HYAL4: variants seen among roughly 807,000 people sequenced by gnomAD.
HYAL4 encodes hyaluronidase 4.
HYAL4 carries 37 observed loss-of-function variants against 35.2 expected under a neutral mutation model. The ratio of observed to expected loss-of-function variants is 1.05; its 90% CI spans 0.81 to 1.38. The LOEUF is 1.38. Among genes scored for constraint, HYAL4 ranks in the 40% most tolerant of loss-of-function variants. The pLI is 0.00. For synonymous variants in HYAL4, 198 were observed against 203.2 expected, an observed-to-expected ratio of 0.97 and a Z score of 0.22; for missense variants, 572 against 572.4, an observed-to-expected ratio of 1.00 and a Z score of 0.01.
At chr7:123,775,756 G>T in the HYAL4 span, among the ~76,000 whole-genome samples, 1 of 152,114 alleles carries the variant, frequency 6.6e-6, no homozygotes, top group African/African-American at 2.4e-5. Flanking sequence ...GTCATCTTTA[G>T]ATGACAGACC....
At chr7:123,830,809 AT>A (rs1403672665) in intron 1 of HYAL4, among the ~76,000 whole-genome samples, 4 of 150,776 alleles carry the variant, frequency 2.7e-5, no homozygotes, top group East Asian at 2.0e-4. Flanking sequence ...TTTGCTTTCA[AT>A]TTTTTTTTCA....
intron 3 of HYAL4, among the ~76,000 whole-genome samples, chr7:123,874,050 A>G (rs1806947802): frequency 6.6e-6 from 1 of 152,172 alleles, no homozygotes; most frequent in Admixed American, 6.5e-5. Context: ...TGGAAAAGGA[A>G]CCTGGTTAAC....
the HYAL4 span, among the ~76,000 whole-genome samples, chr7:123,797,383 G>A: frequency 6.6e-6 from 1 of 152,172 alleles, no homozygotes; most frequent in Non-Finnish European, 1.5e-5. Context: ...GTTGAACTAA[G>A]TAACCTTTTA....
intron 1 of HYAL4, among the ~76,000 whole-genome samples, chr7:123,832,666 A>AT (rs1395755380): frequency 1.3e-5 from 2 of 150,282 alleles, no homozygotes; most frequent in Non-Finnish European, 3.0e-5. Flanking sequence ...TGCCTGGCTA[A>AT]TTTTTTTTGT....
At chr7:123,797,444 T>C in the HYAL4 span, among the ~76,000 whole-genome samples, 1 of 152,254 alleles carries the variant, frequency 6.6e-6, no homozygotes, top group Admixed American at 6.5e-5. Context: ...GTTAAAATTC[T>C]GAGAAAAATG....
At chr7:123,825,297 T>C (rs1463815293), upstream of HYAL4, among the ~76,000 whole-genome samples, 1 of 152,120 alleles carries the variant, frequency 6.6e-6, no homozygotes, top group Admixed American at 6.6e-5. Context: ...AACTGTCACA[T>C]AGACAAAATT....
intron 1 of HYAL4, among the ~76,000 whole-genome samples, chr7:123,837,787 C>A (rs150759272): frequency 6.7e-6 from 1 of 149,096 alleles, no homozygotes. Context: ...TTTGTCCTTG[C>A]GATAGTTTGC....
At chr7:123,800,757 A>G in the HYAL4 span, among the ~76,000 whole-genome samples, 1 of 151,498 alleles carries the variant, frequency 6.6e-6, no homozygotes, top group Non-Finnish European at 1.5e-5. Context: ...CTCGGGTTCA[A>G]ACGATTCTCG....
chr7:123,846,608 C>T (rs1198470705), intron 1 of HYAL4, among the ~76,000 whole-genome samples: 1 of 152,084 alleles, frequency 6.6e-6, no homozygotes, highest in African/African-American at 2.4e-5. Context: ...TCCTGCCTCC[C>T]TGCCTGTGGA....
At chr7:123,770,927 G>A in the HYAL4 span, among the ~76,000 whole-genome samples, 5 of 152,212 alleles carry the variant, frequency 3.3e-5, no homozygotes, top group Admixed American at 2.0e-4. Flanking sequence ...TAAGAAGGAG[G>A]AAATGAATGT....
intron 1 of HYAL4, among the ~76,000 whole-genome samples, chr7:123,837,212 A>G (rs2116911718): frequency 6.6e-6 from 1 of 152,298 alleles, no homozygotes; most frequent in South Asian, 2.1e-4. Flanking sequence ...TGTTTTGTTT[A>G]AGAGGGCTGA....
the HYAL4 span, among the ~76,000 whole-genome samples, chr7:123,791,347 AT>A: frequency 7.2e-5 from 11 of 152,352 alleles, no homozygotes; most frequent in African/African-American, 2.4e-4. Context: ...AACTTCAGTA[AT>A]TCATCATGTA....
At chr7:123,807,432 G>GTTTTT in the HYAL4 span, among the ~76,000 whole-genome samples, 10 of 120,734 alleles carry the variant, frequency 8.3e-5, no homozygotes, top group East Asian at 2.4e-4. Context: ...ACTTTTTATG[G>GTTTTT]TTTTTTTTTT....
chr7:123,868,326 A>G lies in HYAL4; in HGVS notation c.53A>G (p.His18Arg), dbSNP rs778729644. Reference protein sequence around the residue: ...QLKLCVVQPVHLTSWLLIFFI... With the variant: ...QLKLCVVQPVRLTSWLLIFFI... ...AAGCTTTGTGTTGTTCAACCAGTAC[A>G]TCTCACTTCATGGCTCCTTATATTT... The change falls in exon 3 of 5, where the codon CAT becomes CGT. Residue 18 changes from histidine to arginine, a missense_variant. Physicochemically the swap from His to Arg is conservative, Grantham distance 29. Transcript: ENST00000223026. 12 of 1,590,396 alleles carry G rather than the reference A, an allele frequency of 7.5e-6. No individual in the cohort carries two copies. In the South Asian group the frequency reaches 1.4e-4, roughly 18 times the overall value.
intron 1 of HYAL4, among the ~76,000 whole-genome samples, chr7:123,834,140 T>TA (rs1233372575): frequency 1.3e-5 from 2 of 152,122 alleles, no homozygotes; most frequent in African/African-American, 2.4e-5. Flanking sequence ...GGTATTTTGA[T>TA]AGGGATTGCA....
the HYAL4 span, among the ~76,000 whole-genome samples, chr7:123,769,084 A>G: frequency 6.6e-6 from 1 of 152,238 alleles, no homozygotes; most frequent in African/African-American, 2.4e-5. Flanking sequence ...ATATCATCAC[A>G]GGGAGAGAAA....
chr7:123,830,644 G>A (rs1289661622), intron 1 of HYAL4, among the ~76,000 whole-genome samples: 2 of 152,112 alleles, frequency 1.3e-5, no homozygotes, highest in African/African-American at 4.8e-5. Context: ...GAATCAGAAG[G>A]AATTTATGTA....
chr7:123,839,902 G>C (rs547665362), intron 1 of HYAL4, among the ~76,000 whole-genome samples: 2 of 152,012 alleles, frequency 1.3e-5, no homozygotes, highest in Non-Finnish European at 2.9e-5. Context: ...TTGTCAGATG[G>C]ATAGATTGCA....
Position 123,851,168 on chromosome 7 carries a change from A to G in HYAL4, c.-52+3010A>G, listed in dbSNP as rs1806297055. ...ATGTGAATGGGAAACCAAAGTAGAC[A>G]ACAAATTATTTAATGATCTTTTAAA... On this transcript the variant is annotated intron_variant, in intron 2 of 4. Coordinates refer to ENST00000223026, the MANE Select transcript of HYAL4 (RefSeq NM_012269.3). Among the ~76,000 whole-genome samples, 3 of 152,370 alleles carry G rather than the reference A, an allele frequency of 2.0e-5. No homozygotes were observed. In the South Asian group the frequency reaches 6.2e-4, roughly 32 times the overall value.
Sources: allele counts gnomAD v4.1 joint callset (sites outside exome capture counted in the v4.1 genomes callset), GRCh38; gene constraint gnomAD v4.1.1; transcripts MANE v1.5; gene names NCBI Gene and HGNC (gene_info 2026-07-23, HGNC 2026-07-21).